CCBE1: variants seen among roughly 807,000 people sequenced by gnomAD.
CCBE1 encodes the protein collagen and calcium binding EGF domains 1, also known as collagen and calcium-binding EGF domain-containing protein 1.
In CCBE1, 37 loss-of-function variants were observed where a neutral mutation model predicts 50.0. That is an observed-to-expected ratio of 0.74 (90% CI 0.57 to 0.97). CCBE1 has a LOEUF of 0.97. Among genes scored for constraint, CCBE1 ranks in the 50% least tolerant of loss-of-function variants. The pLI is 0.00. For synonymous variants in CCBE1, 234 were observed against 203.7 expected (o/e 1.15, Z -1.27); for missense variants, 538 against 523.8 (o/e 1.03, Z -0.26).
intron 2 of CCBE1, among the ~76,000 whole-genome samples, chr18:59,523,572 T>C (rs975130245): frequency 6.6e-6 from 1 of 152,146 alleles, no homozygotes; most frequent in Non-Finnish European, 1.5e-5. Context: ...CAGCTATCAT[T>C]CTATTATTGT....
At chr18:59,455,193 A>G (rs1188923456) in intron 5 of CCBE1, 2 of 600,300 alleles carry the variant, frequency 3.3e-6, no homozygotes, top group Admixed American at 2.4e-5. Context: ...CTATTTAGAC[A>G]TGCCAGGAAG....
At chr18:59,487,470 C>T (rs1239059603) in intron 2 of CCBE1, among the ~76,000 whole-genome samples, 2 of 151,990 alleles carry the variant, frequency 1.3e-5, no homozygotes, top group Non-Finnish European at 2.9e-5. Flanking sequence ...CACTACATCC[C>T]CCAAGAACAG....
chr18:59,662,431 G>C (rs2054297974), intron 2 of CCBE1, among the ~76,000 whole-genome samples: 1 of 152,176 alleles, frequency 6.6e-6, no homozygotes, highest in Non-Finnish European at 1.5e-5. Context: ...TACAAATAGA[G>C]ACCAGTTACA....
chr18:59,613,004 G>A (rs545680592), intron 2 of CCBE1, among the ~76,000 whole-genome samples: 203 of 152,124 alleles, frequency 1.3e-3, no homozygotes, highest in African/African-American at 4.7e-3. Context: ...AAATTGCAAG[G>A]TATGGACTTT....
At chr18:59,445,544 A>T (rs1379691661) in intron 7 of CCBE1, among the ~76,000 whole-genome samples, 1 of 152,244 alleles carries the variant, frequency 6.6e-6, no homozygotes, top group East Asian at 1.9e-4. Flanking sequence ...CAGCAAATAA[A>T]ACAAAGAAAC....
At chr18:59,646,791 G>C (rs2054060110) in intron 2 of CCBE1, among the ~76,000 whole-genome samples, 1 of 152,236 alleles carries the variant, frequency 6.6e-6, no homozygotes, top group Non-Finnish European at 1.5e-5. Context: ...CACTGCTGAT[G>C]AGATGCTGGT....
At chr18:59,550,571 G>A (rs1158054466) in intron 2 of CCBE1, among the ~76,000 whole-genome samples, 2 of 152,116 alleles carry the variant, frequency 1.3e-5, no homozygotes, top group East Asian at 3.9e-4. Flanking sequence ...GTTCCCTCAG[G>A]AAAGGAAAAG....
chr18:59,572,182 T>C (rs1363095338), intron 2 of CCBE1, among the ~76,000 whole-genome samples: 3 of 152,216 alleles, frequency 2.0e-5, no homozygotes, highest in East Asian at 1.9e-4. Context: ...TGACAGTGAG[T>C]GAACACACGT....
intron 3 of CCBE1, among the ~76,000 whole-genome samples, chr18:59,473,217 C>T (rs1040972404): frequency 6.6e-6 from 1 of 152,084 alleles, no homozygotes. Context: ...CTTTATCAAC[C>T]CTTATGATTA....
At chr18:59,562,698 A>C (rs1457856150) in intron 2 of CCBE1, among the ~76,000 whole-genome samples, 1 of 152,170 alleles carries the variant, frequency 6.6e-6, no homozygotes, top group African/African-American at 2.4e-5. Context: ...GGCTGGGGTC[A>C]AGACTACCTC....
chr18:59,519,569 C>A (rs1236139450), intron 2 of CCBE1, among the ~76,000 whole-genome samples: 2 of 152,124 alleles, frequency 1.3e-5, no homozygotes, highest in East Asian at 3.8e-4. Context: ...GAAAGGATCT[C>A]TATCCTTTGT....
At chr18:59,481,942 G>T (rs569027626) in intron 2 of CCBE1, among the ~76,000 whole-genome samples, 31 of 152,250 alleles carry the variant, frequency 2.0e-4, no homozygotes, top group Admixed American at 7.2e-4. Flanking sequence ...GCGCGTGCAG[G>T]TTACATAGGT....
At chr18:59,479,421 C>G (rs1912462564) in intron 3 of CCBE1, among the ~76,000 whole-genome samples, 1 of 152,180 alleles carries the variant, frequency 6.6e-6, no homozygotes, top group Non-Finnish European at 1.5e-5. Flanking sequence ...AATGTCTCTA[C>G]TGCACATATT....
chr18:59,581,426 T>C (rs1324890575), intron 2 of CCBE1, among the ~76,000 whole-genome samples: 1 of 134,866 alleles, frequency 7.4e-6, no homozygotes, highest in Admixed American at 7.6e-5. Context: ...GGTGACAGAA[T>C]GAGACTCCAT....
intron 2 of CCBE1, among the ~76,000 whole-genome samples, chr18:59,599,220 G>T (rs777645603): frequency 2.0e-5 from 3 of 152,088 alleles, no homozygotes; most frequent in Non-Finnish European, 4.4e-5. Context: ...AGAGATGAAG[G>T]CTGGGTGAAG....
At chr18:59,456,159 T>C (rs544077867) in intron 5 of CCBE1, among the ~76,000 whole-genome samples, 8 of 152,276 alleles carry the variant, frequency 5.3e-5, no homozygotes, top group African/African-American at 1.9e-4. Flanking sequence ...AGGCTGGTCT[T>C]CTAGGCCTCC....
At chr18:59,636,373 C>T (rs1028901218) in intron 2 of CCBE1, among the ~76,000 whole-genome samples, 2 of 152,196 alleles carry the variant, frequency 1.3e-5, no homozygotes, top group African/African-American at 4.8e-5. Context: ...GTAGACCCTG[C>T]CTCAAATAGG....
Position 59,469,500 on chromosome 18 carries a change from G to C in CCBE1, c.373C>G (p.Arg125Gly), listed in dbSNP as rs147208835. Residue 125 changes from arginine to glycine, a missense_variant, in exon 4 of 11, where the codon CGG becomes GGG. Physicochemically the swap from Arg to Gly is moderately radical, Grantham distance 125. Transcript: ENST00000439986. ...AGACAGTATGGCTTCTCCCGCTTCC[G>C]GTGTCTCTCCCGGTCATATCGGTAT... Reference protein sequence around the residue: ...PGYRYDRERHRKREKPYCLDI... With the variant: ...PGYRYDRERHGKREKPYCLDI... The C allele has an allele frequency of 1.2e-6, 2 of 1,613,988 alleles. No individual in the cohort carries two copies.
intron 2 of CCBE1, among the ~76,000 whole-genome samples, chr18:59,576,210 G>A (rs1411699779): frequency 1.3e-5 from 2 of 152,190 alleles, no homozygotes; most frequent in African/African-American, 2.4e-5. Context: ...GAGGTTACAG[G>A]TAAAGCTGCT....
Sources: allele counts gnomAD v4.1 joint callset (sites outside exome capture counted in the v4.1 genomes callset), GRCh38; gene constraint gnomAD v4.1.1; transcripts MANE v1.5; gene names NCBI Gene and HGNC (gene_info 2026-07-23, HGNC 2026-07-21).